The following DUOX1 variants were observed in gnomAD, a reference collection of about 807,000 sequenced individuals.
DUOX1 encodes the protein dual oxidase 1.
A neutral mutation model predicts 181.8 loss-of-function variants in DUOX1; 134 were observed. The ratio of observed to expected loss-of-function variants is 0.74; its 90% CI spans 0.64 to 0.85. The LOEUF is 0.85. Among genes scored for constraint, DUOX1 ranks in the 40% least tolerant of loss-of-function variants. The probability of loss-of-function intolerance (pLI) is 0.00; values close to 1 mark genes in which losing one functional copy is unlikely to be tolerated. For synonymous variants in DUOX1, 798 were observed against 832.5 expected (o/e 0.96, Z 0.71); for missense variants, 1,814 against 2,064.4 (o/e 0.88, Z 2.35).
At chr15:45,132,119 G>A in intron 2 of DUOX1, 95 bp downstream of exon 2, 1 of 1,134,152 alleles carries the variant, frequency 8.8e-7, no homozygotes, top group Non-Finnish European at 1.3e-6. Context: ...ATATTCATCT[G>A]TATCTTTAGT....
intron 12 of DUOX1, chr15:45,139,809 T>C: frequency 1.6e-6 from 1 of 642,966 alleles, no homozygotes; most frequent in East Asian, 2.8e-5. Context: ...ATTGTTCAGA[T>C]CCAGCAAGCG....
At position 45,151,864 on chromosome 15, in the gene DUOX1, T is replaced by C; in HGVS notation, c.3015-10T>C. The stretch of plus-strand genomic sequence containing the variant: ...GTGGGTGCCAAAGGCTAAGGCTTCC[T>C]GTCTCCCAGGGTAACGTCATTCCAG... On this transcript the variant is annotated splice_polypyrimidine_tract_variant and intron_variant, in intron 23 of 33. Coordinates refer to ENST00000389037, the MANE Select transcript of DUOX1 (RefSeq NM_175940.3). 1.2e-6 allele frequency: 2 copies of C among 1,606,606 alleles called. No individual in the cohort carries two copies. The highest frequency in any genetic ancestry group is 1.7e-6 in the Non-Finnish European group (2 of 1,175,616).
intron 10 of DUOX1, chr15:45,138,744 T>C (rs969872769): frequency 3.8e-6 from 1 of 263,856 alleles, no homozygotes. Flanking sequence ...CCCAAGGTCA[T>C]ACAGCTGGTT....
intron 25 of DUOX1, 46 bp from the exon 26 acceptor site, chr15:45,153,334 C>T (rs1896866032): frequency 1.3e-6 from 2 of 1,544,318 alleles, no homozygotes; most frequent in Non-Finnish European, 1.8e-6. Flanking sequence ...AGTGAGCACC[C>T]ACCCTGGGCT....
At chr15:45,138,058 A>G (rs771120788) in intron 10 of DUOX1, 44 bp downstream of exon 10, 38 of 1,289,612 alleles carry the variant, frequency 2.9e-5, no homozygotes, top group Non-Finnish European at 3.6e-5. Context: ...GTGTGTGTGC[A>G]TGCTTATGTG....
In DUOX1 at chr15:45,136,593, G is replaced by A. The variant is rs779457767; in HGVS notation, c.990G>A (p.Leu330=). 2 of 1,614,080 alleles carry A rather than the reference G, an allele frequency of 1.2e-6. No individual in the cohort carries two copies. The highest frequency in any genetic ancestry group is 1.7e-6 in the Non-Finnish European group (2 of 1,180,034). Reference sequence around the variant, plus strand: ...TCGTGGCGGCCTCTGAGCAGTTCCTGTCCACCATGGTGCCCCCTGGCGTCT... The same window carrying A: ...TCGTGGCGGCCTCTGAGCAGTTCCTATCCACCATGGTGCCCCCTGGCGTCT... The part of the protein sequence containing the change: ...SEFVAASEQF[L]STMVPPGVYM... Residue 330 remains leucine, a synonymous_variant, in exon 9 of 34, where the codon CTG becomes CTA. Coordinates refer to ENST00000389037, the MANE Select transcript of DUOX1 (RefSeq NM_175940.3).
At position 45,144,108 on chromosome 15, in the gene DUOX1, T is replaced by C; in HGVS notation, c.2009T>C (p.Val670Ala). The stretch of plus-strand genomic sequence containing the variant: ...TACCTGCAGCCCGGGCAGATCCGTG[T>C]GGTAGATGGCAGGCTCACCGTGCTC... Reference protein sequence around the residue: ...LVYLQPGQIRVVDGRLTVLRT... With the variant: ...LVYLQPGQIRAVDGRLTVLRT... The change falls in exon 17 of 34, where the codon GTG becomes GCG. Residue 670 changes from valine to alanine, a missense_variant. Physicochemically the swap from Val to Ala is moderately conservative, Grantham distance 64 (BLOSUM62 0). Around this residue, in one of 5 missense-constraint regions of DUOX1, gnomAD observed 1,064 missense variants for 1,152.9 expected, o/e 0.92. Transcript: ENST00000389037. The C allele has an allele frequency of 2.5e-6, 4 of 1,614,024 alleles. No individual in the cohort carries two copies. The highest frequency in any genetic ancestry group is 3.4e-6 in the Non-Finnish European group (4 of 1,180,048).
At chr15:45,151,659 A>T (rs572594242) in intron 23 of DUOX1, among the ~76,000 whole-genome samples, 1 of 151,956 alleles carries the variant, frequency 6.6e-6, no homozygotes, top group Non-Finnish European at 1.5e-5. Flanking sequence ...AGAAATGACC[A>T]CTCCAAGCCA....
chr15:45,140,725 T>A lies in DUOX1; in HGVS notation c.1390-170T>A, dbSNP rs190488761. 1.1e-3 allele frequency: 648 copies of A among 600,532 alleles called. 2 individuals carry two copies. In the Middle Eastern group the frequency reaches 0.012, roughly 11 times the overall value. The allele number at this position is 600,532 out of a possible 1,614,324, so 37.2% of individuals were successfully genotyped here. A position where few individuals can be genotyped will look rare whatever the true frequency, so the allele number is the denominator to read the frequency against. On this transcript the variant is annotated intron_variant, in intron 12 of 33. Transcript: ENST00000389037. ...GGTTCCCATAAATGGAGTTCACTTATGTAAAACACTCAGAGAAGTGCCTGG... is the reference window on the plus strand; with the variant it reads ...GGTTCCCATAAATGGAGTTCACTTAAGTAAAACACTCAGAGAAGTGCCTGG...
intron 1 of DUOX1, among the ~76,000 whole-genome samples, chr15:45,130,606 C>T (rs911306029): frequency 6.6e-6 from 1 of 152,182 alleles, no homozygotes; most frequent in Non-Finnish European, 1.5e-5. Flanking sequence ...CTGCCCTGTC[C>T]TGGGCAACCT....
In DUOX1 at chr15:45,152,365, C is replaced by T; in HGVS notation, c.3273C>T (p.Ala1091=). The change falls in exon 25 of 34, where the codon GCC becomes GCT. Residue 1091 remains alanine, a synonymous_variant. Transcript: ENST00000389037. ...TCATCCTGTCGCGGGGCACAGCAGCCAGCATCTCTTTCATGTTCTCCTACA... is the reference window on the plus strand; with the variant it reads ...TCATCCTGTCGCGGGGCACAGCAGCTAGCATCTCTTTCATGTTCTCCTACA... ...VGIILSRGTA[A]SISFMFSYIL... is the part of the protein sequence containing the mutation. 6.2e-7 allele frequency: 1 copy of T among 1,614,252 alleles called. No homozygotes were observed. The highest frequency in any genetic ancestry group is 8.5e-7 in the Non-Finnish European group (1 of 1,180,042).
chr15:45,158,577 C>T lies in DUOX1; in HGVS notation c.3703-2260C>T, dbSNP rs1897018978. On this transcript the variant is annotated intron_variant, in intron 28 of 33. Coordinates refer to ENST00000389037, the MANE Select transcript of DUOX1 (RefSeq NM_175940.3). ...ATTAGCCGGGAGTGGTGGCATGCGC[C>T]TCTAATCCCAGCTACTCGGGAGGCT... Among the ~76,000 whole-genome samples the T allele has an allele frequency of 2.0e-5, 3 of 151,970 alleles. No individual in the cohort carries two copies. In the South Asian group the frequency reaches 6.3e-4, roughly 32 times the overall value.
chr15:45,157,281 T>A (rs1339433970), intron 28 of DUOX1, among the ~76,000 whole-genome samples: 1 of 152,222 alleles, frequency 6.6e-6, no homozygotes, highest in African/African-American at 2.4e-5. Context: ...CTATGACTAA[T>A]TTACCCTCTC....
In DUOX1 at chr15:45,143,416, G is replaced by A. The variant is rs73406370; in HGVS notation, c.1936+113G>A. 7.0e-3 allele frequency: 5,479 copies of A among 781,898 alleles called. 217 individuals are homozygous for A. The African/African-American group carries it at 0.083, about 12-fold the overall frequency. The allele number at this position is 781,898 out of a possible 1,614,324, so 48.4% of individuals were successfully genotyped here. A position where few individuals can be genotyped will look rare whatever the true frequency, so the allele number is the denominator to read the frequency against. On this transcript the variant is annotated intron_variant, in intron 16 of 33. Transcript: ENST00000389037. ...AGGCCTCCCTTTTCTAGGACTGTAG[G>A]CAAGGCCACAGTGGCATTAAGCAGA...
chr15:45,140,959 G>GA lies in DUOX1; in HGVS notation c.1455dup (p.Leu486ThrfsTer18). ...TCCTGGCTAGAGCTGCTCCCTGGGG[G>GA]ACTCCTGGAGAGCCACCGGGACCCT... On this transcript the variant is annotated frameshift_variant, in exon 13 of 34. Coordinates refer to ENST00000389037, the MANE Select transcript of DUOX1 (RefSeq NM_175940.3). LOFTEE classifies it high-confidence loss of function. The GA allele has an allele frequency of 6.2e-7, 1 of 1,614,158 alleles. No homozygotes were observed. The highest frequency in any genetic ancestry group is 8.5e-7 in the Non-Finnish European group (1 of 1,180,032).
intron 21 of DUOX1, 114 bp from the exon 22 acceptor site, chr15:45,150,518 T>C (rs1896772434): frequency 1.0e-6 from 1 of 991,380 alleles, no homozygotes; most frequent in Non-Finnish European, 1.6e-6. Context: ...CCTCCATTGG[T>C]CTGGGACTGT....
rs371488938 is a variant in DUOX1, at chr15:45,160,833, C to G, written c.3703-4C>G. ...GTCTGAGCAGAGCTCTTTCCTCCATCTAGCTCATCATCCATGGTAGCTTTG... is the reference window on the plus strand; with the variant it reads ...GTCTGAGCAGAGCTCTTTCCTCCATGTAGCTCATCATCCATGGTAGCTTTG... On this transcript the variant is annotated splice_region_variant and splice_polypyrimidine_tract_variant and intron_variant, in intron 28 of 33. Transcript: ENST00000389037. The G allele has an allele frequency of 5.6e-6, 9 of 1,599,412 alleles. No homozygotes were observed. The African/African-American group carries it at 1.2e-4, about 21-fold the overall frequency.
intron 28 of DUOX1, 31 bp downstream of exon 28, chr15:45,155,960 G>C: frequency 6.2e-7 from 1 of 1,614,076 alleles, no homozygotes; most frequent in African/African-American, 1.3e-5. Flanking sequence ...GCCAGGCCAG[G>C]AGGGTATGGG....
chr15:45,140,006 C>T, intron 12 of DUOX1: 1 of 1,226,612 alleles, frequency 8.2e-7, no homozygotes, highest in Non-Finnish European at 1.1e-6. Flanking sequence ...GACTGGTGGC[C>T]CAGGCCAAGG....
Sources: gnomAD v4.1 joint callset for allele counts (sites outside exome capture counted in the v4.1 genomes callset) on GRCh38, gnomAD v4.1.1 for gene constraint, gnomAD v4.1.1 regional missense constraint, MANE v1.5 for transcripts, NCBI Gene and HGNC (gene_info 2026-07-23, HGNC 2026-07-21) for gene names.